The following TMEM196 variants were observed in gnomAD, a reference collection of about 807,000 sequenced individuals.
The protein encoded by TMEM196 is transmembrane protein 196.
In TMEM196, 17 loss-of-function variants were observed where a neutral mutation model predicts 20.0. That is an observed-to-expected ratio of 0.85 (90% CI 0.58 to 1.27). The LOEUF (loss-of-function observed/expected upper bound fraction) is 1.27. TMEM196 is among the 50% of genes most tolerant of loss of function. The probability of loss-of-function intolerance (pLI) is 0.00; values close to 1 mark genes in which losing one functional copy is unlikely to be tolerated. For synonymous variants in TMEM196, 113 were observed against 88.9 expected, an observed-to-expected ratio of 1.27 and a Z score of -1.52; for missense variants, 267 against 223.0, an observed-to-expected ratio of 1.20 and a Z score of -1.26.
chr7:19,732,592 A>C (rs1229971975), intron 1 of TMEM196, among the ~76,000 whole-genome samples: 3 of 148,842 alleles, frequency 2.0e-5, no homozygotes, highest in Admixed American at 1.3e-4. Flanking sequence ...AAACAAAAAA[A>C]AAAAAAACGG....
intron 1 of TMEM196, among the ~76,000 whole-genome samples, chr7:19,734,763 G>A (rs1386546264): frequency 6.6e-6 from 1 of 152,174 alleles, no homozygotes; most frequent in African/African-American, 2.4e-5. Context: ...TCTCAGAACT[G>A]TGAGAAAACT....
rs1784119706 is a variant in TMEM196, at chr7:19,729,415, T to C, written c.171A>G (p.Gly57=). ...CTGATTTTTTTTTGGCACACAATAT[T>C]CCACAAATGCCACAAAGAAGAAACT... ...SSPFLLCGIC[G]ILCAKKKSGL... Residue 57 remains glycine, a synonymous_variant, in exon 2 of 5, where the codon GGA becomes GGG. Coordinates refer to ENST00000405844, the MANE Select transcript of TMEM196 (RefSeq NM_001363562.2). 6.4e-7 allele frequency: 1 copy of C among 1,550,662 alleles called. No individual in the cohort carries two copies. The highest frequency in any genetic ancestry group is 1.2e-5 in the South Asian group (1 of 84,048).
In TMEM196 at chr7:19,772,731, G is replaced by A. The variant is rs2128042630; in HGVS notation, c.-35C>T. 6.9e-7 allele frequency: 1 copy of A among 1,442,742 alleles called. No homozygotes were observed. Among genetic ancestry groups the A allele is most frequent in the South Asian group, 1.4e-5 (1 of 71,912 alleles). The allele number at this position is 1,442,742 out of a possible 1,614,324, so 89.4% of individuals were successfully genotyped here. A position where few individuals can be genotyped will look rare whatever the true frequency, so the allele number is the denominator to read the frequency against. On this transcript the variant is annotated 5_prime_UTR_variant, in exon 1 of 5. Transcript: ENST00000405844. ...GTCATCTTCCTTCCAGATCAGAGAG[G>A]GAAATCAACCATCTACCTTTTTTTC...
chr7:19,744,456 G>A (rs778700800), intron 1 of TMEM196, among the ~76,000 whole-genome samples: 2 of 152,138 alleles, frequency 1.3e-5, no homozygotes, highest in Non-Finnish European at 2.9e-5. Flanking sequence ...GTTTCCTGGA[G>A]TAACAGTGTG....
chr7:19,726,466 AC>A (rs1411690498), intron 2 of TMEM196, among the ~76,000 whole-genome samples: 1 of 152,158 alleles, frequency 6.6e-6, no homozygotes, highest in African/African-American at 2.4e-5. Context: ...CTATGAACTG[AC>A]CCCTATATAT....
At chr7:19,749,284 A>G (rs1784873630) in intron 1 of TMEM196, among the ~76,000 whole-genome samples, 1 of 152,226 alleles carries the variant, frequency 6.6e-6, no homozygotes, top group Non-Finnish European at 1.5e-5. Context: ...TGATACGGAG[A>G]GAGCCAATCA....
chr7:19,756,869 C>A (rs1382486600), intron 1 of TMEM196, among the ~76,000 whole-genome samples: 3 of 151,884 alleles, frequency 2.0e-5, no homozygotes, highest in Non-Finnish European at 4.4e-5. Context: ...TAGGTTAATT[C>A]CATGTCTTTG....
intron 3 of TMEM196, among the ~76,000 whole-genome samples, chr7:19,725,252 T>A (rs532389164): frequency 1.6e-4 from 24 of 152,336 alleles, no homozygotes; most frequent in South Asian, 1.2e-3. Context: ...AAATCCATAT[T>A]TATAGGGTAT....
At chr7:19,759,261 A>G (rs1181798194) in intron 1 of TMEM196, among the ~76,000 whole-genome samples, 4 of 152,162 alleles carry the variant, frequency 2.6e-5, no homozygotes, top group Admixed American at 1.3e-4. Context: ...AATGACAGCC[A>G]TGTTTCAGCC....
chr7:19,735,876 A>T (rs946949567), intron 1 of TMEM196, among the ~76,000 whole-genome samples: 3 of 152,164 alleles, frequency 2.0e-5, no homozygotes, highest in Non-Finnish European at 4.4e-5. Context: ...TAGGAACACT[A>T]CTTTTTTTAC....
At chr7:19,764,672 A>G (rs1785555318) in intron 1 of TMEM196, among the ~76,000 whole-genome samples, 1 of 152,184 alleles carries the variant, frequency 6.6e-6, no homozygotes, top group Admixed American at 6.5e-5. Context: ...ACCAGCCCTC[A>G]TAATATTTAA....
chr7:19,739,778 C>T (rs1489142447), intron 1 of TMEM196, among the ~76,000 whole-genome samples: 1 of 152,110 alleles, frequency 6.6e-6, no homozygotes, highest in East Asian at 1.9e-4. Context: ...AATGCAATTT[C>T]AAACTAACTC....
chr7:19,731,594 G>A (rs1448953674), intron 1 of TMEM196, among the ~76,000 whole-genome samples: 3 of 152,194 alleles, frequency 2.0e-5, no homozygotes, highest in Non-Finnish European at 4.4e-5. Context: ...GAATTTGAAA[G>A]CAGTGTAGTT....
chr7:19,753,539 G>T (rs895069609), intron 1 of TMEM196, among the ~76,000 whole-genome samples: 1 of 152,018 alleles, frequency 6.6e-6, no homozygotes, highest in East Asian at 1.9e-4. Context: ...AATTTTTCAC[G>T]TAATTCCATT....
At chr7:19,763,796 G>A (rs1785523120) in intron 1 of TMEM196, among the ~76,000 whole-genome samples, 3 of 152,204 alleles carry the variant, frequency 2.0e-5, no homozygotes, top group Admixed American at 6.5e-5. Context: ...AATATCTAAT[G>A]TGTATATTGA....
intron 1 of TMEM196, among the ~76,000 whole-genome samples, chr7:19,762,077 T>A (rs1331263137): frequency 1.3e-5 from 2 of 152,210 alleles, no homozygotes; most frequent in Non-Finnish European, 2.9e-5. Context: ...TAGAGCTGTT[T>A]CTGCTTCAAA....
chr7:19,725,352 G>T (rs1783956455), intron 3 of TMEM196, among the ~76,000 whole-genome samples, 162 bp downstream of exon 3: 1 of 152,142 alleles, frequency 6.6e-6, no homozygotes, highest in South Asian at 2.1e-4. Context: ...CCCATGAATT[G>T]CAGAGAAAAA....
At chr7:19,725,915 T>A in intron 2 of TMEM196, 147 bp from the exon 3 acceptor site, 1 of 926,916 alleles carries the variant, frequency 1.1e-6, no homozygotes, top group Non-Finnish European at 1.5e-6. Context: ...ACAGGAGATT[T>A]TTTTTTTACA....
chr7:19,751,503 CTAAT>C (rs1167589870), intron 1 of TMEM196, among the ~76,000 whole-genome samples: 1 of 152,112 alleles, frequency 6.6e-6, no homozygotes, highest in Non-Finnish European at 1.5e-5. Context: ...CTTATAGCAG[CTAAT>C]TAAAGTCTCT....
Sources: gnomAD v4.1 joint callset for allele counts (sites outside exome capture counted in the v4.1 genomes callset) on GRCh38, gnomAD v4.1.1 for gene constraint, MANE v1.5 for transcripts, NCBI Gene and HGNC (gene_info 2026-07-23, HGNC 2026-07-21) for gene names.